The following TRIB1 variants were observed in gnomAD, a reference collection of about 807,000 sequenced individuals.
TRIB1 encodes the protein tribbles pseudokinase 1.
A neutral mutation model predicts 27.8 loss-of-function variants in TRIB1; 12 were observed. That is an observed-to-expected ratio of 0.43 (90% CI 0.28 to 0.70). TRIB1 has a LOEUF of 0.70. TRIB1 is among the 30% of genes least tolerant of loss of function. The probability of loss-of-function intolerance (pLI) is 0.18; values close to 1 mark genes in which losing one functional copy is unlikely to be tolerated. For synonymous variants in TRIB1, 230 were observed against 224.9 expected (o/e 1.02, Z -0.20); for missense variants, 475 against 515.8 (o/e 0.92, Z 0.77).
Position 125,433,809 on chromosome 8 carries a change from A to G in TRIB1, c.653+200A>G. ...ATTCTCTTGGACGGGGCCTGGGGAC[A>G]CCGTGGCGCTTCTATGGGATGGCAA... On this transcript the variant is annotated intron_variant, in intron 2 of 2. Coordinates refer to ENST00000311922, the MANE Select transcript of TRIB1 (RefSeq NM_025195.4). The surrounding 1 kb of genome is among the most constrained non-coding windows in gnomAD (Gnocchi z 4.4). The G allele has an allele frequency of 3.4e-6, 2 of 593,790 alleles. No individual in the cohort carries two copies. The highest frequency in any genetic ancestry group is 5.8e-6 in the Non-Finnish European group (2 of 344,722). 36.8% of individuals were successfully genotyped at this position (593,790 alleles called of 1,614,324 possible).
chr8:125,435,910 C>A, intron 2 of TRIB1, 96 bp from the exon 3 acceptor site: 1 of 1,041,018 alleles, frequency 9.6e-7, no homozygotes. Flanking sequence ...TTCCTGGAGC[C>A]TTTGCTGTTA....
In TRIB1 at chr8:125,436,023, A is replaced by T; in HGVS notation, c.671A>T (p.Glu224Val). 1 of 1,613,914 alleles carries T rather than the reference A, an allele frequency of 6.2e-7. No homozygotes were observed. Among genetic ancestry groups the T allele is most frequent in the Non-Finnish European group, 8.5e-7 (1 of 1,179,892 alleles). Residue 224 changes from glutamate (E) to valine (V), a missense_variant, in exon 3 of 3, where the codon GAA (glutamate) becomes GTA (valine). Transcript: ENST00000311922. ...TCTTGCAGAACCCAGCTTAGACTAG[A>T]AAGTCTAGAAGACACACACATAATG... Reference protein sequence around the residue: ...STEERTQLRLESLEDTHIMKG... With the variant: ...STEERTQLRLVSLEDTHIMKG...
At chr8:125,435,026 A>AT in intron 2 of TRIB1, among the ~76,000 whole-genome samples, 1 of 152,270 alleles carries the variant, frequency 6.6e-6, no homozygotes, top group African/African-American at 2.4e-5. Flanking sequence ...TGAAACGGGT[A>AT]TTTCAGAGAA....
Position 125,436,537 on chromosome 8 carries a change from G to A in TRIB1, c.*66G>A, listed in dbSNP as rs1043089435. On this transcript the variant is annotated 3_prime_UTR_variant, in exon 3 of 3. Transcript: ENST00000311922. ...CATTTCCATTTCTAAAGATGGACAG[G>A]CCCTTTGGCGTGGTACCAACCAGAT... The A allele has an allele frequency of 1.3e-6, 2 of 1,514,164 alleles. No homozygotes were observed. Among genetic ancestry groups the A allele is most frequent in the African/African-American group, 1.4e-5 (1 of 72,762 alleles). The allele number at this position is 1,514,164 out of a possible 1,614,324, so 93.8% of individuals were successfully genotyped here.
At chr8:125,435,967 C>G (rs1457152796) in intron 2 of TRIB1, 39 bp from the exon 3 acceptor site, 1 of 1,555,732 alleles carries the variant, frequency 6.4e-7, no homozygotes, top group Admixed American at 1.8e-5. Context: ...TTCATAGCAG[C>G]TGGTGTGGAA....
At position 125,433,740 on chromosome 8, in the gene TRIB1, G is replaced by C. The variant is rs1459522426; in HGVS notation, c.653+131G>C. ...ATATGTCCCAGATTTAGTATTTAGA[G>C]CTTCTGTTCCTGAGGAGTCACAGCC... On this transcript the variant is annotated intron_variant, in intron 2 of 2. Transcript: ENST00000311922. The surrounding 1 kb of genome is among the most constrained non-coding windows in gnomAD (Gnocchi z 4.4). 8.5e-7 allele frequency: 1 copy of C among 1,182,932 alleles called. No homozygotes were observed. The highest frequency in any genetic ancestry group is 1.2e-6 in the Non-Finnish European group (1 of 861,774). The allele number at this position is 1,182,932 out of a possible 1,614,324, so 73.3% of individuals were successfully genotyped here.
chr8:125,432,260 TAGGG>T (rs1443209249), intron 1 of TRIB1: 1 of 965,830 alleles, frequency 1.0e-6, no homozygotes, highest in Non-Finnish European at 1.2e-6. Flanking sequence ...CCCAGTTTAA[TAGGG>T]AGGAAAAAAA....
intron 1 of TRIB1, 89 bp downstream of exon 1, chr8:125,431,351 G>T: frequency 2.4e-6 from 3 of 1,225,320 alleles, no homozygotes; most frequent in Non-Finnish European, 2.0e-6. Flanking sequence ...CCAACGCTTG[G>T]GCTGGGCACA....
rs1479431774 is a variant in TRIB1, at chr8:125,433,249, C to A, written c.361-68C>A. ...ACAGGTTGAGAACTTCTGTTCAGCT[C>A]CCTCAGGGGTTTGGGAGGCTGCCTT... On this transcript the variant is annotated intron_variant, in intron 1 of 2. Transcript: ENST00000311922. The surrounding 1 kb of genome is among the most constrained non-coding windows in gnomAD (Gnocchi z 4.4). 2.1e-5 allele frequency: 31 copies of A among 1,510,920 alleles called. No homozygotes were observed. Among genetic ancestry groups the A allele is most frequent in the Non-Finnish European group, 2.8e-5 (31 of 1,106,730 alleles). 93.6% of individuals were successfully genotyped at this position (1,510,920 alleles called of 1,614,324 possible). A position where few individuals can be genotyped will look rare whatever the true frequency, so the allele number is the denominator to read the frequency against.
intron 2 of TRIB1, among the ~76,000 whole-genome samples, chr8:125,435,487 G>A (rs552729301): frequency 1.4e-4 from 21 of 152,268 alleles, no homozygotes; most frequent in African/African-American, 4.6e-4. Context: ...GGGCACCAGC[G>A]CTGATGACCT....
rs1395291090 is a variant in TRIB1, at chr8:125,430,600, G to C, written c.-303G>C. On this transcript the variant is annotated 5_prime_UTR_variant, in exon 1 of 3. Transcript: ENST00000311922. ...CGCCGCCTCTGCCTCCCGGACTATCGGCAGCCTCGGCAACAATAGTGGCGG... is the reference window on the plus strand; with the variant it reads ...CGCCGCCTCTGCCTCCCGGACTATCCGCAGCCTCGGCAACAATAGTGGCGG... The C allele has an allele frequency of 5.4e-5, 16 of 296,320 alleles. 1 individual carries two copies. The East Asian group carries it at 8.1e-4, about 15-fold the overall frequency. 18.4% of individuals were successfully genotyped at this position (296,320 alleles called of 1,614,324 possible).
chr8:125,436,016 A>C lies in TRIB1; in HGVS notation c.664A>C (p.Arg222=). Residue 222 remains arginine, a synonymous_variant, in exon 3 of 3, where the codon AGA becomes CGA. Coordinates refer to ENST00000311922, the MANE Select transcript of TRIB1 (RefSeq NM_025195.4). ...VFSTEERTQL[R]LESLEDTHIM... is the part of the protein sequence containing the mutation. ...TCCTCTCTCTTGCAGAACCCAGCTTAGACTAGAAAGTCTAGAAGACACACA... is the reference window on the plus strand; with the variant it reads ...TCCTCTCTCTTGCAGAACCCAGCTTCGACTAGAAAGTCTAGAAGACACACA... 4 of 1,613,656 alleles carry C rather than the reference A, an allele frequency of 2.5e-6. No individual in the cohort carries two copies. Among genetic ancestry groups the C allele is most frequent in the Non-Finnish European group, 3.4e-6 (4 of 1,179,756 alleles).
chr8:125,433,766 A>G lies in TRIB1; in HGVS notation c.653+157A>G. ...CTTCTGTTCCTGAGGAGTCACAGCC[A>G]AGGTTGGTTTATTCTGCATTCTCTT... On this transcript the variant is annotated intron_variant, in intron 2 of 2. Transcript: ENST00000311922. This position sits in a 1 kb window ranked among gnomAD's most constrained non-coding sequence, Gnocchi z 4.4. 1 of 962,464 alleles carries G rather than the reference A, an allele frequency of 1.0e-6. No individual in the cohort carries two copies. The highest frequency in any genetic ancestry group is 1.5e-6 in the Non-Finnish European group (1 of 668,136). 59.6% of individuals were successfully genotyped at this position (962,464 alleles called of 1,614,324 possible).
chr8:125,435,992 C>T lies in TRIB1; in HGVS notation c.654-14C>T, dbSNP rs757632048. On this transcript the variant is annotated splice_polypyrimidine_tract_variant and intron_variant, in intron 2 of 2. Transcript: ENST00000311922. ...CTGGTGTGGAAATAATGGCTTGGTT[C>T]CTCTCTCTTGCAGAACCCAGCTTAG... 39 of 1,595,748 alleles carry T rather than the reference C, an allele frequency of 2.4e-5. No homozygotes were observed. Among genetic ancestry groups the T allele is most frequent in the Middle Eastern group, 3.3e-4 (2 of 5,992 alleles).
At position 125,431,086 on chromosome 8, in the gene TRIB1, C is replaced by T. The variant is rs767050256; in HGVS notation, c.184C>T (p.Pro62Ser). The T allele has an allele frequency of 8.3e-5, 115 of 1,389,278 alleles. No homozygotes were observed. The highest frequency in any genetic ancestry group is 3.4e-4 in the Admixed American group (10 of 29,338). 86.1% of individuals were successfully genotyped at this position (1,389,278 alleles called of 1,614,324 possible). A position where few individuals can be genotyped will look rare whatever the true frequency, so the allele number is the denominator to read the frequency against. Reference protein sequence around the residue: ...ECSSPPDYLSPPGSPCSPQPP... With the variant: ...ECSSPPDYLSSPGSPCSPQPP... The stretch of plus-strand genomic sequence containing the variant: ...CTCCAGCCCCCCGGACTACCTCAGC[C>T]CCCCCGGCTCGCCCTGCAGCCCGCA... The change falls in exon 1 of 3, where the codon CCC (proline) becomes TCC (serine). Residue 62 changes from proline to serine, a missense_variant. Pro to Ser is a moderately conservative substitution (Grantham distance 74, BLOSUM62 -1). Coordinates refer to ENST00000311922, the MANE Select transcript of TRIB1 (RefSeq NM_025195.4).
In TRIB1 at chr8:125,436,708, A is replaced by G; in HGVS notation, c.*237A>G. 2 of 574,500 alleles carry G rather than the reference A, an allele frequency of 3.5e-6. No homozygotes were observed. Among genetic ancestry groups the G allele is most frequent in the Non-Finnish European group, 6.2e-6 (2 of 323,238 alleles). The allele number at this position is 574,500 out of a possible 1,614,324, so 35.6% of individuals were successfully genotyped here. A position where few individuals can be genotyped will look rare whatever the true frequency, so the allele number is the denominator to read the frequency against. Reference sequence around the variant, plus strand: ...TTCCCTTAAGGAACCCTCACCAACTATCTCTGCTGGATTTGGGAGTTCCGC... The same window carrying G: ...TTCCCTTAAGGAACCCTCACCAACTGTCTCTGCTGGATTTGGGAGTTCCGC... On this transcript the variant is annotated 3_prime_UTR_variant, in exon 3 of 3. Coordinates refer to ENST00000311922, the MANE Select transcript of TRIB1 (RefSeq NM_025195.4).
chr8:125,433,271 C>A lies in TRIB1; in HGVS notation c.361-46C>A. The stretch of plus-strand genomic sequence containing the variant: ...GCTCCCTCAGGGGTTTGGGAGGCTG[C>A]CTTTGCTTTTCTAGCCCCCTAAACG... On this transcript the variant is annotated intron_variant, in intron 1 of 2. Coordinates refer to ENST00000311922, the MANE Select transcript of TRIB1 (RefSeq NM_025195.4). The surrounding 1 kb of genome is among the most constrained non-coding windows in gnomAD (Gnocchi z 4.4). The A allele has an allele frequency of 6.3e-7, 1 of 1,581,870 alleles. No homozygotes were observed.
At chr8:125,431,599 G>A (rs1389481353) in intron 1 of TRIB1, among the ~76,000 whole-genome samples, 5 of 151,992 alleles carry the variant, frequency 3.3e-5, no homozygotes, top group Non-Finnish European at 7.4e-5. Flanking sequence ...CATTCTCCTC[G>A]CTCTCCACCC....
rs1270470920 is a variant in TRIB1, at chr8:125,438,188, AG to A, written c.*1720del. On this transcript the variant is annotated 3_prime_UTR_variant, in exon 3 of 3. Transcript: ENST00000311922. ...GACAGAATCATGGGACTTTGAGAAG[AG>A]GGAGGACAGAGGCCTCTGTCGCACT... is the stretch of plus-strand genomic sequence containing the variant. The A allele has an allele frequency of 6.5e-6, 1 of 152,718 alleles. No individual in the cohort carries two copies. Among genetic ancestry groups the A allele is most frequent in the African/African-American group, 2.4e-5 (1 of 41,428 alleles). 9.5% of individuals were successfully genotyped at this position (152,718 alleles called of 1,614,324 possible).
Sources: gnomAD v4.1 joint callset for allele counts (sites outside exome capture counted in the v4.1 genomes callset) on GRCh38, gnomAD v4.1.1 for gene constraint, Gnocchi (gnomAD v3.1) non-coding constraint, MANE v1.5 for transcripts, NCBI Gene and HGNC (gene_info 2026-07-23, HGNC 2026-07-21) for gene names.